PCDH15: variants seen among roughly 807,000 people sequenced by gnomAD.
PCDH15 encodes protocadherin-15.
In PCDH15, 129 loss-of-function variants were observed where a neutral mutation model predicts 178.5. The observed-to-expected ratio is 0.72, with a 90% confidence interval of 0.63 to 0.84. The LOEUF is 0.84. Among genes scored for constraint, PCDH15 ranks in the 40% least tolerant of loss-of-function variants. The pLI is 0.00. For missense variants in PCDH15, 2,230 were observed against 2,099.9 expected (o/e 1.06, Z -1.21); for synonymous variants, 800 against 732.0 (o/e 1.09, Z -1.50).
intron 26 of PCDH15, among the ~76,000 whole-genome samples, chr10:53,879,268 A>T (rs892554546): frequency 7.2e-5 from 11 of 152,204 alleles, no homozygotes; most frequent in African/African-American, 2.7e-4. Context: ...CTAAAGAATA[A>T]ATCTGCCACT....
chr10:55,472,387 A>G (rs1839976286), intron 2 of PCDH15, among the ~76,000 whole-genome samples: 1 of 150,778 alleles, frequency 6.6e-6, no homozygotes. Context: ...CCTAGTTTTT[A>G]ATTTCAATTT....
At chr10:55,399,847 A>C (rs1274925195) in intron 2 of PCDH15, among the ~76,000 whole-genome samples, 1 of 152,134 alleles carries the variant, frequency 6.6e-6, no homozygotes, top group Non-Finnish European at 1.5e-5. Context: ...ATGTAATATA[A>C]AAATATAATT....
At chr10:55,421,723 A>G (rs571028916) in intron 2 of PCDH15, among the ~76,000 whole-genome samples, 1 of 151,700 alleles carries the variant, frequency 6.6e-6, no homozygotes, top group East Asian at 1.9e-4. Context: ...GATATTTACT[A>G]GAGATGATTT....
intron 3 of PCDH15, among the ~76,000 whole-genome samples, chr10:54,422,687 G>C (rs1955695842): frequency 6.6e-6 from 1 of 152,074 alleles, no homozygotes. Flanking sequence ...GTCCCGGCTT[G>C]AGAATCACAA....
intron 3 of PCDH15, among the ~76,000 whole-genome samples, chr10:54,412,950 A>G (rs1025870069): frequency 6.6e-6 from 1 of 152,182 alleles, no homozygotes; most frequent in African/African-American, 2.4e-5. Flanking sequence ...ATCATATTGC[A>G]TGTGTGCAAG....
chr10:54,320,625 T>C (rs1010849164), intron 7 of PCDH15, among the ~76,000 whole-genome samples: 1 of 152,094 alleles, frequency 6.6e-6, no homozygotes, highest in African/African-American at 2.4e-5. Flanking sequence ...ACTTTTTTAA[T>C]ACTGATCTTT....
chr10:53,972,500 C>G (rs531844003), intron 21 of PCDH15, among the ~76,000 whole-genome samples: 3 of 152,228 alleles, frequency 2.0e-5, no homozygotes, highest in South Asian at 2.1e-4. Context: ...AATGAACAGG[C>G]AACCTACAGA....
chr10:55,345,439 T>C (rs1159703274), intron 2 of PCDH15, among the ~76,000 whole-genome samples: 2 of 152,010 alleles, frequency 1.3e-5, no homozygotes, highest in East Asian at 1.9e-4. Flanking sequence ...ACCACTTTAC[T>C]GTGAGAATAA....
chr10:55,217,701 C>A (rs866265549), intron 1 of PCDH15, among the ~76,000 whole-genome samples: 1 of 151,816 alleles, frequency 6.6e-6, no homozygotes, highest in African/African-American at 2.4e-5. Flanking sequence ...AAGATGATTA[C>A]AAGATACTTC....
chr10:54,849,388 A>G (rs553525424), intron 3 of PCDH15, among the ~76,000 whole-genome samples: 4 of 152,120 alleles, frequency 2.6e-5, no homozygotes, highest in African/African-American at 7.2e-5. Context: ...CCTTTTTCCA[A>G]ATCTCTTGGC....
At chr10:54,040,098 GTTTAC>G (rs1210630184) in intron 18 of PCDH15, among the ~76,000 whole-genome samples, 4 of 151,836 alleles carry the variant, frequency 2.6e-5, no homozygotes, top group Non-Finnish European at 5.9e-5. Flanking sequence ...TCCTAATACT[GTTTAC>G]TTAATTACTC....
chr10:54,829,763 T>C (rs1953192482), intron 3 of PCDH15, among the ~76,000 whole-genome samples: 3 of 152,140 alleles, frequency 2.0e-5, no homozygotes, highest in Admixed American at 2.0e-4. Context: ...TTTATTCCTG[T>C]TGTTTTCATG....
intron 6 of PCDH15, among the ~76,000 whole-genome samples, chr10:54,335,674 T>C (rs1439933569): frequency 6.6e-6 from 1 of 152,162 alleles, no homozygotes; most frequent in Admixed American, 6.5e-5. Context: ...TTGTGAGGCC[T>C]CCCAGGCACA....
chr10:54,654,209 A>G (rs2094326422), intron 2 of PCDH15, among the ~76,000 whole-genome samples: 1 of 152,248 alleles, frequency 6.6e-6, no homozygotes, highest in Non-Finnish European at 1.5e-5. Context: ...GTTAAATAAT[A>G]GGAAGTTAGA....
intron 2 of PCDH15, among the ~76,000 whole-genome samples, chr10:54,910,595 A>G (rs903422622): frequency 6.6e-6 from 1 of 152,138 alleles, no homozygotes; most frequent in African/African-American, 2.4e-5. Context: ...ATTAATCCCC[A>G]TCAGATCACC....
At chr10:55,058,924 A>G (rs573562858) in intron 2 of PCDH15, among the ~76,000 whole-genome samples, 1 of 152,304 alleles carries the variant, frequency 6.6e-6, no homozygotes, top group South Asian at 2.1e-4. Context: ...TAGCTTGTCT[A>G]TGAGAACATT....
At chr10:54,319,501 C>G (rs1023104585) in intron 7 of PCDH15, among the ~76,000 whole-genome samples, 1 of 152,066 alleles carries the variant, frequency 6.6e-6, no homozygotes, top group Non-Finnish European at 1.5e-5. Context: ...TTGGTGGCTA[C>G]AAGGAGCTGG....
intron 18 of PCDH15, among the ~76,000 whole-genome samples, chr10:54,034,402 A>G (rs1382051357): frequency 6.6e-6 from 1 of 151,878 alleles, no homozygotes; most frequent in Non-Finnish European, 1.5e-5. Flanking sequence ...TCCTTGAGCT[A>G]GTTTAGTAAT....
At chr10:55,193,195 G>C (rs1337739976) in intron 1 of PCDH15, among the ~76,000 whole-genome samples, 1 of 151,686 alleles carries the variant, frequency 6.6e-6, no homozygotes, top group African/African-American at 2.4e-5. Context: ...AGAAATTCTA[G>C]GGTGGCTTAC....
Sources: allele counts gnomAD v4.1 joint callset (sites outside exome capture counted in the v4.1 genomes callset), GRCh38; gene constraint gnomAD v4.1.1; transcripts MANE v1.5; gene names NCBI Gene and HGNC (gene_info 2026-07-23, HGNC 2026-07-21).